The following KCNN2 variants were observed in gnomAD, a reference collection of about 807,000 sequenced individuals.
KCNN2 encodes potassium calcium-activated channel subfamily N member 2, also known as small conductance calcium-activated potassium channel protein 2.
KCNN2 carries 24 observed loss-of-function variants against 55.5 expected under a neutral mutation model. The ratio of observed to expected loss-of-function variants is 0.43; its 90% CI spans 0.31 to 0.61. The LOEUF (loss-of-function observed/expected upper bound fraction) is 0.61. Among genes scored for constraint, KCNN2 ranks in the 20% least tolerant of loss-of-function variants. The probability of loss-of-function intolerance (pLI) is 0.08; values close to 1 mark genes in which losing one functional copy is unlikely to be tolerated. For missense variants in KCNN2, 754 were observed against 853.6 expected (o/e 0.88, Z 1.45); for synonymous variants, 431 against 336.1 (o/e 1.28, Z -3.09).
chr5:114,201,513 G>T (rs888371994), intron 1 of KCNN2, among the ~76,000 whole-genome samples: 1 of 152,040 alleles, frequency 6.6e-6, no homozygotes, highest in Non-Finnish European at 1.5e-5. Context: ...CTCAAGTGTT[G>T]GTTTCCTAGC....
At chr5:114,462,898 C>T (rs1761272512) in intron 3 of KCNN2, 151 bp from the exon 4 acceptor site, 1 of 695,230 alleles carries the variant, frequency 1.4e-6, no homozygotes, top group Non-Finnish European at 2.4e-6. Flanking sequence ...TAGATGGAAC[C>T]TCAATTTTGT....
intron 5 of KCNN2, among the ~76,000 whole-genome samples, chr5:114,480,303 C>G (rs747467953): frequency 1.3e-5 from 2 of 151,896 alleles, no homozygotes; most frequent in Non-Finnish European, 2.9e-5. Context: ...CTCCTACGAC[C>G]GAACCAAGAA....
intron 2 of KCNN2, among the ~76,000 whole-genome samples, chr5:114,275,259 C>T (rs1336127101): frequency 3.6e-4 from 54 of 152,052 alleles, no homozygotes; most frequent in Admixed American, 3.0e-3. Flanking sequence ...AGGATTTTTA[C>T]GTCGATGTTC....
chr5:114,401,028 A>G (rs1216771316), intron 2 of KCNN2, among the ~76,000 whole-genome samples: 1 of 149,558 alleles, frequency 6.7e-6, no homozygotes, highest in Non-Finnish European at 1.5e-5. Context: ...TTCAATGGGC[A>G]GATTCTCTGT....
At chr5:114,398,407 C>G (rs1758685769) in intron 2 of KCNN2, among the ~76,000 whole-genome samples, 2 of 151,480 alleles carry the variant, frequency 1.3e-5, no homozygotes, top group African/African-American at 4.8e-5. Flanking sequence ...GTTTTTGTAC[C>G]AGTGCCATGC....
intron 1 of KCNN2, among the ~76,000 whole-genome samples, chr5:114,107,904 C>G (rs1385719315): frequency 6.6e-6 from 1 of 151,950 alleles, no homozygotes; most frequent in East Asian, 1.9e-4. Context: ...GACGTTTTGC[C>G]GCGTTCTTGG....
chr5:114,121,830 A>G (rs1487674780), intron 1 of KCNN2, among the ~76,000 whole-genome samples: 1 of 151,958 alleles, frequency 6.6e-6, no homozygotes, highest in Admixed American at 6.6e-5. Context: ...CACTCCTTTT[A>G]CCCCCACCTG....
At chr5:114,299,798 C>A (rs1403496065) in intron 2 of KCNN2, among the ~76,000 whole-genome samples, 1 of 152,162 alleles carries the variant, frequency 6.6e-6, no homozygotes, top group African/African-American at 2.4e-5. Flanking sequence ...TTTGAGGAGG[C>A]CATGGCAACC....
At chr5:114,147,312 A>G (rs1014774967) in intron 1 of KCNN2, among the ~76,000 whole-genome samples, 1 of 152,206 alleles carries the variant, frequency 6.6e-6, no homozygotes, top group Non-Finnish European at 1.5e-5. Flanking sequence ...CTGTGCCAGC[A>G]CAAGGATGTA....
At chr5:114,339,578 G>A (rs371882291) in intron 2 of KCNN2, among the ~76,000 whole-genome samples, 12 of 152,060 alleles carry the variant, frequency 7.9e-5, no homozygotes, top group African/African-American at 9.7e-5. Context: ...TGAGGTGGGC[G>A]GATTGCTTTA....
At chr5:114,262,766 G>A (rs986708756) in intron 2 of KCNN2, among the ~76,000 whole-genome samples, 1 of 152,114 alleles carries the variant, frequency 6.6e-6, no homozygotes, top group Non-Finnish European at 1.5e-5. Context: ...TGTTGAGATG[G>A]ACAGCGTGCC....
At chr5:114,371,579 A>T (rs1757759984) in intron 2 of KCNN2, among the ~76,000 whole-genome samples, 1 of 152,142 alleles carries the variant, frequency 6.6e-6, no homozygotes, top group Non-Finnish European at 1.5e-5. Context: ...GCTGACCTTG[A>T]TGAGCCGTTT....
At chr5:114,089,704 T>TCCATA in intron 1 of KCNN2, among the ~76,000 whole-genome samples, 1 of 152,352 alleles carries the variant, frequency 6.6e-6, no homozygotes, top group East Asian at 1.9e-4. Context: ...GAATGGGGTC[T>TCCATA]GAAAATTGCT....
intron 2 of KCNN2, among the ~76,000 whole-genome samples, chr5:114,398,518 C>T (rs1758689748): frequency 6.7e-6 from 1 of 149,590 alleles, no homozygotes; most frequent in East Asian, 2.0e-4. Context: ...TTTAGGATTG[C>T]TTTGGCTATT....
Position 114,413,311 on chromosome 5 carries a change from T to A in KCNN2, c.1637+8455T>A, listed in dbSNP as rs181985531. 3.9e-4 allele frequency among the ~76,000 whole-genome samples: 60 copies of A among 152,256 alleles called. No homozygotes were observed. In the East Asian group the frequency reaches 0.011, roughly 27 times the overall value. Reference sequence around the variant, plus strand: ...TGTAGTTTTATTTTTTGAGTTGGAGTCTTGCTCTTGTCACTCAGGCTGGAG... The same window carrying A: ...TGTAGTTTTATTTTTTGAGTTGGAGACTTGCTCTTGTCACTCAGGCTGGAG... On this transcript the variant is annotated intron_variant, in intron 3 of 7. Coordinates refer to ENST00000673685, the MANE Select transcript of KCNN2 (RefSeq NM_021614.4).
intron 2 of KCNN2, among the ~76,000 whole-genome samples, chr5:114,323,852 T>C (rs1324629709): frequency 2.0e-5 from 3 of 151,920 alleles, no homozygotes; most frequent in Non-Finnish European, 4.4e-5. Flanking sequence ...TTTCACCATG[T>C]TGGCCAGGAT....
At chr5:114,321,093 G>A (rs554017952) in intron 2 of KCNN2, among the ~76,000 whole-genome samples, 2 of 152,264 alleles carry the variant, frequency 1.3e-5, no homozygotes, top group East Asian at 1.9e-4. Flanking sequence ...TGTTTCCCAC[G>A]TCTTTGCATA....
At chr5:114,145,609 T>C (rs137916478) in intron 1 of KCNN2, among the ~76,000 whole-genome samples, 326 of 152,234 alleles carry the variant, frequency 2.1e-3, no homozygotes, top group African/African-American at 7.2e-3. Flanking sequence ...TAAAGTGATA[T>C]TGAAAGGGGT....
chr5:114,368,148 C>A (rs1053346608), intron 2 of KCNN2, among the ~76,000 whole-genome samples: 1 of 151,970 alleles, frequency 6.6e-6, no homozygotes, highest in Non-Finnish European at 1.5e-5. Context: ...CTCATACAGA[C>A]GGTTGACTTT....
Sources: gnomAD v4.1 joint callset for allele counts (sites outside exome capture counted in the v4.1 genomes callset) on GRCh38, gnomAD v4.1.1 for gene constraint, MANE v1.5 for transcripts, NCBI Gene and HGNC (gene_info 2026-07-23, HGNC 2026-07-21) for gene names.